Variants in TKFC observed in about 807,000 individuals in gnomAD.
TKFC encodes triokinase/FMN cyclase.
Under a neutral mutation model 61.0 loss-of-function variants are expected in TKFC, and 46 were observed. The ratio of observed to expected loss-of-function variants is 0.75; its 90% CI spans 0.60 to 0.96. TKFC has a LOEUF of 0.96. Among genes scored for constraint, TKFC ranks in the 50% least tolerant of loss-of-function variants. TKFC has a pLI of 0.00. For missense variants in TKFC, 715 were observed against 777.5 expected (o/e 0.92, Z 0.96); for synonymous variants, 314 against 330.1 (o/e 0.95, Z 0.53).
intron 5 of TKFC, 144 bp from the exon 6 acceptor site, chr11:61,341,292 G>T: frequency 1.2e-6 from 1 of 834,756 alleles, no homozygotes; most frequent in Non-Finnish European, 2.0e-6. Context: ...TTGCTCTTCT[G>T]CCCTAAATGT....
Position 61,339,343 on chromosome 11 carries a change from G to A in TKFC, c.394G>A (p.Val132Met). 1 of 1,613,840 alleles carries A rather than the reference G, an allele frequency of 6.2e-7. No individual in the cohort carries two copies. The highest frequency in any genetic ancestry group is 8.5e-7 in the Non-Finnish European group (1 of 1,180,044). The change falls in exon 5 of 18, where the codon GTG becomes ATG. Residue 132 changes from valine (V) to methionine (M), a missense_variant. Physicochemically the swap from Val to Met is conservative, Grantham distance 21 (BLOSUM62 1). Coordinates refer to ENST00000394900, the MANE Select transcript of TKFC (RefSeq NM_015533.4). ...REQARAEGIP[V>M]EMVVIGDDSA... ...GCAGGCCCGGGCTGAAGGCATCCCGGTGGAGATGGTGGTGATTGGGGACGA... is the reference window on the plus strand; with the variant it reads ...GCAGGCCCGGGCTGAAGGCATCCCGATGGAGATGGTGGTGATTGGGGACGA...
intron 16 of TKFC, 33 bp from the exon 17 acceptor site, chr11:61,345,824 C>G (rs372920610): frequency 3.0e-5 from 48 of 1,613,986 alleles, no homozygotes; most frequent in Non-Finnish European, 3.7e-5. Flanking sequence ...TTGCAGGGCC[C>G]GTGCTCAGCC....
chr11:61,345,818 A>AGGGCCCGTGCTCAGCCCCC (rs1433166155), intron 16 of TKFC, 39 bp from the exon 17 acceptor site: 1 of 1,614,002 alleles, frequency 6.2e-7, no homozygotes, highest in Non-Finnish European at 8.5e-7. Flanking sequence ...CCTCGGTTGC[A>AGGGCCCGTGCTCAGCCCCC]GGGCCCGTGC....
chr11:61,345,396 G>C (rs374620085), intron 14 of TKFC, 30 bp downstream of exon 14: 1 of 1,598,078 alleles, frequency 6.3e-7, no homozygotes, highest in African/African-American at 1.3e-5. Context: ...AGGGCTGACA[G>C]GGAGGTGGCT....
intron 2 of TKFC, among the ~76,000 whole-genome samples, chr11:61,337,555 T>C (rs982064879): frequency 2.6e-5 from 4 of 152,152 alleles, no homozygotes; most frequent in African/African-American, 9.7e-5. Context: ...TGGAACCTGC[T>C]CAGCTCCTCC....
At chr11:61,335,111 G>C (rs992373444) in intron 2 of TKFC, among the ~76,000 whole-genome samples, 1 of 152,176 alleles carries the variant, frequency 6.6e-6, no homozygotes, top group African/African-American at 2.4e-5. Flanking sequence ...TATGTGGGCC[G>C]GTCTGGAGCT....
At chr11:61,343,267 G>T in intron 10 of TKFC, 75 bp from the exon 11 acceptor site, 1 of 1,398,204 alleles carries the variant, frequency 7.2e-7, no homozygotes, top group Non-Finnish European at 1.0e-6. Context: ...AGCTTCCAAG[G>T]TCCTTGCTTT....
chr11:61,343,920 G>A lies in TKFC; in HGVS notation c.1047G>A (p.Arg349=). 1 of 1,611,210 alleles carries A rather than the reference G, an allele frequency of 6.2e-7. No homozygotes were observed. The highest frequency in any genetic ancestry group is 8.5e-7 in the Non-Finnish European group (1 of 1,179,988). ...VAAVSITGRK[R]SRVAPAEPQE... is the part of the protein sequence containing the mutation. ...CAGTCTCCATTACTGGGCGGAAGCG[G>A]AGCCGGGTAGCCCCTGCCGAGCCCC... is the stretch of plus-strand genomic sequence containing the variant. Residue 349 remains arginine, a synonymous_variant, in exon 12 of 18, where the codon CGG becomes CGA. Transcript: ENST00000394900.
chr11:61,339,591 G>A, intron 5 of TKFC, 156 bp downstream of exon 5: 1 of 820,862 alleles, frequency 1.2e-6, no homozygotes, highest in Non-Finnish European at 1.8e-6. Flanking sequence ...CATCCCCTCA[G>A]CTACCTAAGC....
At chr11:61,341,684 G>A in intron 6 of TKFC, 139 bp from the exon 7 acceptor site, 1 of 1,230,726 alleles carries the variant, frequency 8.1e-7, no homozygotes, top group Non-Finnish European at 1.2e-6. Flanking sequence ...TGGGTACCAT[G>A]GCTGAGGTGG....
Position 61,346,002 on chromosome 11 carries a change from C to G in TKFC, c.1575+56C>G, listed in dbSNP as rs1020595980. The stretch of plus-strand genomic sequence containing the variant: ...AGACAGGCTTCTAGCCAGCAGACTC[C>G]TGTCTCCATGTGACCCTGAGCAAGT... On this transcript the variant is annotated intron_variant, in intron 17 of 17. Coordinates refer to ENST00000394900, the MANE Select transcript of TKFC (RefSeq NM_015533.4). The surrounding 1 kb of genome is among the most constrained non-coding windows in gnomAD (Gnocchi z 4.1). The G allele has an allele frequency of 1.5e-5, 23 of 1,564,070 alleles. No homozygotes were observed. The highest frequency in any genetic ancestry group is 1.8e-5 in the Non-Finnish European group (21 of 1,142,338).
At position 61,345,934 on chromosome 11, in the gene TKFC, C is replaced by G; in HGVS notation, c.1563C>G (p.Thr521=). 1.9e-6 allele frequency: 3 copies of G among 1,613,830 alleles called. No homozygotes were observed. The highest frequency in any genetic ancestry group is 2.5e-6 in the Non-Finnish European group (3 of 1,180,006). The change falls in exon 17 of 18, where the codon ACC becomes ACG. Residue 521 remains threonine (T), a synonymous_variant. Coordinates refer to ENST00000394900, the MANE Select transcript of TKFC (RefSeq NM_015533.4). The part of the protein sequence containing the change: ...SPGADLLQVL[T]KAVKSAEAAA... ...GAGCTGATCTGTTACAAGTCCTGACCAAAGCAGTCAAGGTGAGTGAGGCTG... is the reference window on the plus strand; with the variant it reads ...GAGCTGATCTGTTACAAGTCCTGACGAAAGCAGTCAAGGTGAGTGAGGCTG...
intron 7 of TKFC, 32 bp downstream of exon 7, chr11:61,341,944 C>A: frequency 5.6e-6 from 9 of 1,594,864 alleles, no homozygotes; most frequent in Non-Finnish European, 7.7e-6. Flanking sequence ...CCAGCCCTGC[C>A]TGCTCCTTGG....
chr11:61,339,831 C>T (rs543997490), intron 5 of TKFC, among the ~76,000 whole-genome samples: 2 of 152,226 alleles, frequency 1.3e-5, no homozygotes, highest in South Asian at 4.1e-4. Context: ...ATCCATTCTC[C>T]ACACTACTGC....
At chr11:61,334,353 C>G (rs1281953344) in intron 1 of TKFC, 3 of 194,384 alleles carry the variant, frequency 1.5e-5, no homozygotes, top group Non-Finnish European at 2.1e-5. Flanking sequence ...TTCTGAGGAT[C>G]ACTGTCCTTT....
rs752626505 is a variant in TKFC at position 61,345,955 on chromosome 11, G to A, written c.1575+9G>A. 7 of 1,612,874 alleles carry A rather than the reference G, an allele frequency of 4.3e-6. No homozygotes were observed. Among genetic ancestry groups the A allele is most frequent in the Non-Finnish European group, 5.9e-6 (7 of 1,179,810 alleles). On this transcript the variant is annotated intron_variant, in intron 17 of 17. Transcript: ENST00000394900. The stretch of plus-strand genomic sequence containing the variant: ...TGACCAAAGCAGTCAAGGTGAGTGA[G>A]GCTGGGCCCAGCCACCTGGGGAGAC...
Position 61,345,731 on chromosome 11 carries a change from G to A in TKFC, c.1471G>A (p.Gly491Arg). The A allele has an allele frequency of 6.2e-7, 1 of 1,614,266 alleles. No homozygotes were observed. Among genetic ancestry groups the A allele is most frequent in the African/African-American group, 1.3e-5 (1 of 75,068 alleles). ...AMQKYGKAAP[G>R]DRTMLDSLWA... ...TGCCAGGTATGGCAAGGCTGCTCCA[G>A]GGGACAGGACTATGGTATGTACTCA... is the stretch of plus-strand genomic sequence containing the variant. Residue 491 changes from glycine (G) to arginine (R), a missense_variant, in exon 16 of 18, where the codon GGG becomes AGG. Physicochemically the swap from Gly to Arg is moderately radical, Grantham distance 125. Coordinates refer to ENST00000394900, the MANE Select transcript of TKFC (RefSeq NM_015533.4).
rs1040078792 is a variant in TKFC at position 61,348,491 on chromosome 11, A to G, written c.*1988A>G. ...TTTCATTAGAGGGCTGTTATTAGAG[A>G]CTGAATGTTTGTGTCCCCCCCAAAT... On this transcript the variant is annotated 3_prime_UTR_variant, in exon 18 of 18. Transcript: ENST00000394900. The G allele has an allele frequency of 1.0e-6, 1 of 985,422 alleles. No individual in the cohort carries two copies. The highest frequency in any genetic ancestry group is 1.2e-6 in the Non-Finnish European group (1 of 829,962). The allele number at this position is 985,422 out of a possible 1,614,324, so 61.0% of individuals were successfully genotyped here.
chr11:61,337,067 C>A (rs187959712), intron 2 of TKFC, among the ~76,000 whole-genome samples: 54 of 152,332 alleles, frequency 3.5e-4, no homozygotes, highest in African/African-American at 1.2e-3. Flanking sequence ...GGTGCACGTG[C>A]GCTCCTCGTG....
Sources: allele counts gnomAD v4.1 joint callset (sites outside exome capture counted in the v4.1 genomes callset), GRCh38; gene constraint gnomAD v4.1.1; non-coding constraint Gnocchi (gnomAD v3.1); transcripts MANE v1.5; gene names NCBI Gene and HGNC (gene_info 2026-07-23, HGNC 2026-07-21).